Variants in LDHB observed in about 807,000 individuals in gnomAD.
LDHB encodes lactate dehydrogenase B, also known as L-lactate dehydrogenase B chain.
LDHB carries 18 observed loss-of-function variants against 33.4 expected under a neutral mutation model. The ratio of observed to expected loss-of-function variants is 0.54; its 90% CI spans 0.37 to 0.80. The LOEUF (loss-of-function observed/expected upper bound fraction) is 0.80. Ranked by LOEUF, LDHB falls within the 30% of genes least tolerant of loss-of-function variation. The probability of loss-of-function intolerance (pLI) is 0.00; values close to 1 mark genes in which losing one functional copy is unlikely to be tolerated. For synonymous variants in LDHB, 121 were observed against 140.6 expected (o/e 0.86, Z 0.98); for missense variants, 345 against 407.9 (o/e 0.85, Z 1.33).
At chr12:21,637,947 C>A (rs896422865) in intron 6 of LDHB, among the ~76,000 whole-genome samples, 1 of 151,824 alleles carries the variant, frequency 6.6e-6, no homozygotes, top group East Asian at 1.9e-4. Flanking sequence ...ATATTTGAGA[C>A]ATCAGTTAGT....
intron 3 of LDHB, 54 bp downstream of exon 3, chr12:21,646,845 G>A: frequency 9.8e-7 from 1 of 1,024,498 alleles, no homozygotes; most frequent in Admixed American, 1.7e-5. Flanking sequence ...TTCCAAATGT[G>A]TTTTGGGGCC....
chr12:21,650,416 T>C (rs952831179), intron 2 of LDHB, among the ~76,000 whole-genome samples: 1 of 152,212 alleles, frequency 6.6e-6, no homozygotes, highest in Non-Finnish European at 1.5e-5. Context: ...TACTTTGCAA[T>C]TTGTCGTTGT....
chr12:21,635,569 G>C lies in LDHB; in HGVS notation c.978C>G (p.Asp326Glu). The stretch of plus-strand genomic sequence containing the variant: ...ACAGGTCTTTTAGGTCCTTCTGGAT[G>C]TCCCACAGGGTATCTGCACTTTTCT... The part of the protein sequence containing the change: ...QLKKSADTLW[D>E]IQKDLKDL The change falls in exon 8 of 8, where the codon GAC becomes GAG. Residue 326 changes from aspartate to glutamate, a missense_variant. Asp to Glu is a conservative substitution (Grantham distance 45). Transcript: ENST00000350669. 6.2e-7 allele frequency: 1 copy of C among 1,612,348 alleles called. No homozygotes were observed. The highest frequency in any genetic ancestry group is 8.5e-7 in the Non-Finnish European group (1 of 1,179,860).
chr12:21,640,154 AT>A (rs869042233), intron 5 of LDHB, among the ~76,000 whole-genome samples: 1 of 14,618 alleles, frequency 6.8e-5, no homozygotes, highest in African/African-American at 7.7e-5. Flanking sequence ...TTATTTTATT[AT>A]TTTTTTTTGC....
chr12:21,649,250 T>G (rs1299504905), intron 2 of LDHB, among the ~76,000 whole-genome samples: 1 of 152,174 alleles, frequency 6.6e-6, no homozygotes, highest in Non-Finnish European at 1.5e-5. Flanking sequence ...TGTCTCTGTT[T>G]CAGTGGGTGT....
At chr12:21,644,686 T>C (rs1399026067) in intron 3 of LDHB, among the ~76,000 whole-genome samples, 1 of 152,288 alleles carries the variant, frequency 6.6e-6, no homozygotes, top group East Asian at 1.9e-4. Flanking sequence ...ATGTGATCAT[T>C]TGACTCAACA....
intron 3 of LDHB, among the ~76,000 whole-genome samples, chr12:21,645,485 G>GTC (rs1004608221): frequency 6.6e-6 from 1 of 152,202 alleles, no homozygotes; most frequent in African/African-American, 2.4e-5. Flanking sequence ...GCAATGGAAT[G>GTC]TCTCAGTGTA....
At chr12:21,639,544 T>C (rs1212594052) in intron 5 of LDHB, among the ~76,000 whole-genome samples, 8 of 152,028 alleles carry the variant, frequency 5.3e-5, no homozygotes, top group African/African-American at 1.9e-4. Flanking sequence ...ATCACTTCTA[T>C]CACCTAGCAA....
chr12:21,653,039 T>C (rs1650311), intron 2 of LDHB, among the ~76,000 whole-genome samples: 147,936 of 152,164 alleles, frequency 0.97, 72,060 homozygotes, highest in Middle Eastern at 1. Context: ...TGTTGTTGTT[T>C]CTACATTTAA....
chr12:21,638,544 G>T, intron 5 of LDHB, 74 bp from the exon 6 acceptor site: 1 of 1,034,466 alleles, frequency 9.7e-7, no homozygotes, highest in Non-Finnish European at 1.5e-6. Context: ...TTCTTTTAGT[G>T]CAATTTCACC....
intron 2 of LDHB, among the ~76,000 whole-genome samples, chr12:21,653,952 T>C (rs1650314): frequency 0.94 from 143,862 of 152,236 alleles, 68,480 homozygotes; most frequent in East Asian, 1. Context: ...GGGATTAAGT[T>C]CAGCAGTAAT....
chr12:21,645,780 G>GGTGCCGGCGTGT (rs1192382030), intron 3 of LDHB, among the ~76,000 whole-genome samples: 10 of 152,068 alleles, frequency 6.6e-5, no homozygotes, highest in African/African-American at 2.4e-4. Flanking sequence ...CTCAGAGACT[G>GGTGCCGGCGTGT]GTGCCGGCGT....
Position 21,644,435 on chromosome 12 carries a change from A to C in LDHB, c.248-327T>G, listed in dbSNP as rs1177457695. Among the ~76,000 whole-genome samples the C allele has an allele frequency of 2.2e-3, 10 of 4,636 alleles. 1 individual carries two copies. Among genetic ancestry groups the C allele is most frequent in the African/African-American group, 3.3e-3 (10 of 3,006 alleles). The allele number at this position is 4,636 out of a possible 152,430, so 3.0% of individuals were successfully genotyped here. A position where few individuals can be genotyped will look rare whatever the true frequency, so the allele number is the denominator to read the frequency against. On this transcript the variant is annotated intron_variant, in intron 3 of 7. Transcript: ENST00000350669. ...CAATAGGTAGACATCAAAAAAAAAA[A>C]AAAAAAAAAACAAAAACAAAAACCA...
intron 1 of LDHB, among the ~76,000 whole-genome samples, chr12:21,654,893 C>T (rs1938796529): frequency 6.6e-6 from 1 of 151,772 alleles, no homozygotes; most frequent in South Asian, 2.1e-4. Context: ...GAGGCAGAGG[C>T]TGGTGGATCA....
In LDHB at chr12:21,638,392, C is replaced by G. The variant is rs752804722; in HGVS notation, c.674G>C (p.Ser225Thr). ...LNPEMGTDND[S>T]ENWKEVHKMV... ...CTTATGCACTTCCTTCCAATTTTCA[C>G]TATCATTGTCAGTTCCCATTTCTGG... Residue 225 changes from serine to threonine, a missense_variant, in exon 6 of 8, where the codon AGT (serine) becomes ACT (threonine). By Grantham distance (58) the Ser-to-Thr change is moderately conservative (BLOSUM62 1). Transcript: ENST00000350669. The G allele has an allele frequency of 6.2e-7, 1 of 1,610,914 alleles. No individual in the cohort carries two copies. The highest frequency in any genetic ancestry group is 1.1e-5 in the South Asian group (1 of 90,982).
chr12:21,639,022 T>C (rs924967171), intron 5 of LDHB, among the ~76,000 whole-genome samples: 8 of 151,932 alleles, frequency 5.3e-5, no homozygotes, highest in Non-Finnish European at 8.8e-5. Flanking sequence ...ACCTAAGTTA[T>C]ATGTTTCTTG....
Position 21,638,407 on chromosome 12 carries a change from C to G in LDHB, c.659G>C (p.Gly220Ala). ...VSLQELNPEM[G>A]TDNDSENWKE... Reference sequence around the variant, plus strand: ...CCAATTTTCACTATCATTGTCAGTTCCCATTTCTGGATTCAATTCCTGGAG... The same window carrying G: ...CCAATTTTCACTATCATTGTCAGTTGCCATTTCTGGATTCAATTCCTGGAG... Residue 220 changes from glycine (G) to alanine (A), a missense_variant, in exon 6 of 8, where the codon GGA becomes GCA. Coordinates refer to ENST00000350669, the MANE Select transcript of LDHB (RefSeq NM_002300.8). 6.2e-7 allele frequency: 1 copy of G among 1,611,736 alleles called. No individual in the cohort carries two copies. Among genetic ancestry groups the G allele is most frequent in the Non-Finnish European group, 8.5e-7 (1 of 1,178,590 alleles).
At chr12:21,654,950 G>C (rs547338539) in intron 1 of LDHB, among the ~76,000 whole-genome samples, 1 of 151,678 alleles carries the variant, frequency 6.6e-6, no homozygotes, top group African/African-American at 2.4e-5. Flanking sequence ...GTGAAACCCC[G>C]TCTCTACTAA....
intron 5 of LDHB, among the ~76,000 whole-genome samples, chr12:21,640,495 A>AC: frequency 5.3e-5 from 8 of 151,690 alleles, no homozygotes; most frequent in Non-Finnish European, 8.8e-5. Flanking sequence ...GTTATAATTA[A>AC]TAGTTTATTA....
Sources: gnomAD v4.1 joint callset for allele counts (sites outside exome capture counted in the v4.1 genomes callset) on GRCh38, gnomAD v4.1.1 for gene constraint, MANE v1.5 for transcripts, NCBI Gene and HGNC (gene_info 2026-07-23, HGNC 2026-07-21) for gene names.